TTC28: variants seen among roughly 807,000 people sequenced by gnomAD.
TTC28 encodes the protein tetratricopeptide repeat protein 28.
Under a neutral mutation model 198.0 loss-of-function variants are expected in TTC28, and 61 were observed. The observed-to-expected ratio is 0.31, with a 90% CI of 0.25 to 0.38. The LOEUF is 0.38. Among genes scored for constraint, TTC28 ranks in the 10% least tolerant of loss-of-function variants. The pLI is 1.00. For synonymous variants in TTC28, 1,171 were observed against 1,297.8 expected (o/e 0.90, Z 2.10); for missense variants, 2,678 against 3,164.0 (o/e 0.85, Z 3.69).
intron 2 of TTC28, among the ~76,000 whole-genome samples, chr22:28,586,089 G>A (rs1467001254): frequency 2.0e-5 from 3 of 151,914 alleles, no homozygotes; most frequent in Non-Finnish European, 4.4e-5. Context: ...GACCATCCTG[G>A]CTAACATGGT....
At chr22:28,600,481 T>C (rs938256064) in intron 2 of TTC28, among the ~76,000 whole-genome samples, 7 of 152,140 alleles carry the variant, frequency 4.6e-5, no homozygotes, top group African/African-American at 1.2e-4. Flanking sequence ...AAAATTGATA[T>C]AGAGCATGCA....
chr22:28,537,298 T>TAAAATAAAAC (rs2049305234), intron 2 of TTC28, among the ~76,000 whole-genome samples: 1 of 91,738 alleles, frequency 1.1e-5, no homozygotes, highest in African/African-American at 4.1e-5. Flanking sequence ...GTCTCAAAAA[T>TAAAATAAAAC]AAAATAAAAT....
At chr22:28,574,360 T>G (rs1035294921) in intron 2 of TTC28, among the ~76,000 whole-genome samples, 6 of 151,566 alleles carry the variant, frequency 4.0e-5, no homozygotes, top group Non-Finnish European at 8.8e-5. Flanking sequence ...TGTTTGTGTG[T>G]GTGTGTGTGT....
intron 6 of TTC28, among the ~76,000 whole-genome samples, chr22:28,133,701 A>G (rs1943118184): frequency 6.6e-6 from 1 of 152,226 alleles, no homozygotes; most frequent in Non-Finnish European, 1.5e-5. Context: ...GTAGGTAAAC[A>G]AAGTGGCTGG....
chr22:28,477,037 AC>A lies in TTC28; in HGVS notation c.381+152514del, dbSNP rs1309802792. ...CAAAAGAATATATTCATATAATTCC[AC>A]TATATAAAGTTCTGGAACAGGCATA... On this transcript the variant is annotated intron_variant, in intron 2 of 22. Transcript: ENST00000397906. 1.1e-4 allele frequency among the ~76,000 whole-genome samples: 17 copies of A among 152,340 alleles called. 1 individual carries two copies. Among genetic ancestry groups the A allele is most frequent in the African/African-American group, 3.8e-4 (16 of 41,584 alleles).
chr22:28,678,370 A>G (rs573082804), intron 1 of TTC28, among the ~76,000 whole-genome samples: 2 of 152,166 alleles, frequency 1.3e-5, no homozygotes, highest in South Asian at 4.2e-4. Context: ...GCACTCTACC[A>G]CACCCAGCTA....
intron 2 of TTC28, among the ~76,000 whole-genome samples, chr22:28,311,494 C>T (rs552971383): frequency 6.6e-6 from 1 of 152,028 alleles, no homozygotes; most frequent in Non-Finnish European, 1.5e-5. Context: ...AAAAGAAAAA[C>T]TGATTTTTGA....
At position 28,108,095 on chromosome 22, in the gene TTC28, C is replaced by T. The variant is rs369578704; in HGVS notation, c.1750G>A (p.Ala584Thr). The stretch of plus-strand genomic sequence containing the variant: ...CTCTGGATGTCTCGTAGCTCCCGGG[C>T]GATGTTCAAGTGGTTCTGATAGTGT... ...LQHYQNHLNIARELRDIQSEA... is the reference protein window; with the variant it reads ...LQHYQNHLNITRELRDIQSEA... The change falls in exon 7 of 23, where the codon GCC becomes ACC. Residue 584 changes from alanine to threonine, a missense_variant. Around this residue, in one of 8 missense-constraint regions of TTC28, gnomAD observed 775 missense variants for 845.9 expected, o/e 0.92. Transcript: ENST00000397906. The T allele has an allele frequency of 2.8e-4, 437 of 1,551,488 alleles. No homozygotes were observed. The highest frequency in any genetic ancestry group is 3.7e-4 in the Non-Finnish European group (422 of 1,146,978).
intron 5 of TTC28, among the ~76,000 whole-genome samples, chr22:28,204,265 T>G (rs1926213864): frequency 6.6e-6 from 1 of 152,138 alleles, no homozygotes; most frequent in Non-Finnish European, 1.5e-5. Flanking sequence ...TATTAGGAAT[T>G]AATACACTGT....
chr22:28,093,994 C>A (rs1941895085), intron 12 of TTC28, 86 bp downstream of exon 12: 4 of 1,373,310 alleles, frequency 2.9e-6, no homozygotes, highest in Non-Finnish European at 3.9e-6. Context: ...CAAAAGATTT[C>A]TTCTGTTAGC....
At chr22:28,673,351 G>A (rs951041178) in intron 1 of TTC28, among the ~76,000 whole-genome samples, 1 of 152,126 alleles carries the variant, frequency 6.6e-6, no homozygotes, top group Non-Finnish European at 1.5e-5. Context: ...TCCAGCCTGG[G>A]CGACAGAGAC....
intron 2 of TTC28, among the ~76,000 whole-genome samples, chr22:28,348,068 T>C (rs1243248453): frequency 6.6e-6 from 1 of 152,252 alleles, no homozygotes; most frequent in Non-Finnish European, 1.5e-5. Context: ...TTCCTTCTAC[T>C]GTTCCAAGTC....
At chr22:27,993,579 C>CT (rs1937492767) in intron 17 of TTC28, 61 bp from the exon 18 acceptor site, 1 of 1,457,832 alleles carries the variant, frequency 6.9e-7, no homozygotes, top group African/African-American at 1.4e-5. Context: ...ATCCGCATGG[C>CT]TTTGAGGGTA....
chr22:28,070,573 G>A (rs1047450732), intron 12 of TTC28, among the ~76,000 whole-genome samples: 9 of 152,244 alleles, frequency 5.9e-5, no homozygotes, highest in African/African-American at 1.9e-4. Flanking sequence ...CCTGAGCTCA[G>A]GAGTTTGAGA....
At chr22:28,342,046 G>A (rs1203115347) in intron 2 of TTC28, among the ~76,000 whole-genome samples, 1 of 151,956 alleles carries the variant, frequency 6.6e-6, no homozygotes, top group East Asian at 1.9e-4. Flanking sequence ...CTATTTATTT[G>A]TACTCTGAAC....
chr22:28,192,602 C>G (rs1056850934), intron 5 of TTC28, among the ~76,000 whole-genome samples: 4 of 152,058 alleles, frequency 2.6e-5, no homozygotes, highest in African/African-American at 9.7e-5. Context: ...CTTAAATGAC[C>G]TGATGGAGCT....
At chr22:28,459,341 G>A (rs1193148797) in intron 2 of TTC28, among the ~76,000 whole-genome samples, 1 of 152,008 alleles carries the variant, frequency 6.6e-6, no homozygotes, top group African/African-American at 2.4e-5. Context: ...TGAAGTGGGA[G>A]GATCACTTGA....
intron 2 of TTC28, among the ~76,000 whole-genome samples, chr22:28,401,358 G>A (rs2146102950): frequency 6.6e-6 from 1 of 152,258 alleles, no homozygotes; most frequent in Admixed American, 6.5e-5. Flanking sequence ...GCTCATGCCT[G>A]TAATCCCAGC....
intron 14 of TTC28, 91 bp downstream of exon 14, chr22:28,014,157 T>G: frequency 3.6e-6 from 5 of 1,402,084 alleles, no homozygotes; most frequent in East Asian, 2.6e-5. Flanking sequence ...CGGGAGCCCA[T>G]TTTGGTGTCT....
Sources: allele counts gnomAD v4.1 joint callset (sites outside exome capture counted in the v4.1 genomes callset), GRCh38; gene constraint gnomAD v4.1.1; regional missense constraint gnomAD v4.1.1; transcripts MANE v1.5; gene names NCBI Gene and HGNC (gene_info 2026-07-23, HGNC 2026-07-21).